The following ARHGAP15 variants were observed in gnomAD, a reference collection of about 807,000 sequenced individuals.
ARHGAP15 encodes the protein rho GTPase-activating protein 15.
A neutral mutation model predicts 63.7 loss-of-function variants in ARHGAP15; 51 were observed. The ratio of observed to expected loss-of-function variants is 0.80; its 90% confidence interval spans 0.64 to 1.01. ARHGAP15 has a LOEUF of 1.01. ARHGAP15 is among the 50% of genes least tolerant of loss of function. The pLI is 0.00. For missense variants in ARHGAP15, 560 were observed against 564.6 expected, an observed-to-expected ratio of 0.99 and a Z score of 0.08; for synonymous variants, 191 against 193.8, an observed-to-expected ratio of 0.99 and a Z score of 0.12.
intron 13 of ARHGAP15, among the ~76,000 whole-genome samples, chr2:143,720,102 G>A (rs1440676087): frequency 1.3e-5 from 2 of 152,148 alleles, no homozygotes; most frequent in Non-Finnish European, 2.9e-5. Context: ...AAATTGGCCT[G>A]CAGTTAGTTG....
chr2:143,378,692 A>T (rs115258216), intron 6 of ARHGAP15, among the ~76,000 whole-genome samples: 5,241 of 152,158 alleles, frequency 0.034, 145 homozygotes, highest in Middle Eastern at 0.054. Context: ...GATGTGTTTT[A>T]TCTCCTTCCC....
chr2:143,767,965 A>ATTTT, intron 13 of ARHGAP15, 24 bp from the exon 14 acceptor site: 2 of 1,582,952 alleles, frequency 1.3e-6, no homozygotes, highest in Non-Finnish European at 1.7e-6. Flanking sequence ...CAGTGAAATT[A>ATTTT]TTTTTTTTTC....
rs545522050 is a variant in ARHGAP15 at position 143,308,072 on chromosome 2, T to G, written c.474+57472T>G. ...TATGCAAACTTTTAACTGTGAGCAA[T>G]TTTTTGAAAAATCCTTCAGATGGTA... is the stretch of plus-strand genomic sequence containing the variant. On this transcript the variant is annotated intron_variant, in intron 6 of 13. Transcript: ENST00000295095. Among the ~76,000 whole-genome samples the G allele has an allele frequency of 8.5e-5, 13 of 152,264 alleles. 1 individual carries two copies. The highest frequency in any genetic ancestry group is 3.4e-3 in the Middle Eastern group (1 of 294).
chr2:143,605,832 G>A (rs1574697713), intron 11 of ARHGAP15, among the ~76,000 whole-genome samples: 2 of 130,344 alleles, frequency 1.5e-5, no homozygotes, highest in African/African-American at 2.8e-5. Flanking sequence ...TGGCCAACAC[G>A]GTGAAACCCT....
intron 1 of ARHGAP15, among the ~76,000 whole-genome samples, chr2:143,130,566 C>T (rs1179109633): frequency 6.6e-6 from 1 of 151,962 alleles, no homozygotes; most frequent in African/African-American, 2.4e-5. Flanking sequence ...TTATTGTCTT[C>T]TATTGAAAGA....
In ARHGAP15 at chr2:143,711,442, C is replaced by CT. The variant is rs780809414; in HGVS notation, c.1244+7919dup. ...GTTGGCTTGGCAGACAACAGACCTA[C>CT]TGTAGGGAGAGAGAATACTCTGTAC... On this transcript the variant is annotated intron_variant, in intron 13 of 13. Coordinates refer to ENST00000295095, the MANE Select transcript of ARHGAP15 (RefSeq NM_018460.4). 7.2e-5 allele frequency among the ~76,000 whole-genome samples: 11 copies of CT among 152,102 alleles called. 1 individual carries two copies. The highest frequency in any genetic ancestry group is 1.2e-4 in the Non-Finnish European group (8 of 68,022).
intron 11 of ARHGAP15, among the ~76,000 whole-genome samples, chr2:143,600,361 A>G (rs1270447253): frequency 6.6e-6 from 1 of 152,162 alleles, no homozygotes; most frequent in East Asian, 1.9e-4. Context: ...TATTTCTTCC[A>G]TGAGTAAAAC....
At chr2:143,767,952 C>T in intron 13 of ARHGAP15, 37 bp from the exon 14 acceptor site, 1 of 1,586,858 alleles carries the variant, frequency 6.3e-7, no homozygotes, top group Non-Finnish European at 8.6e-7. Context: ...TCACTTCAAA[C>T]TCCAGTGAAA....
chr2:143,165,665 A>C (rs1452069739), intron 2 of ARHGAP15, among the ~76,000 whole-genome samples: 1 of 152,094 alleles, frequency 6.6e-6, no homozygotes, highest in Non-Finnish European at 1.5e-5. Context: ...TGAACAAATA[A>C]GCTTAGCTCA....
At chr2:143,673,310 T>G (rs1381382912) in intron 12 of ARHGAP15, among the ~76,000 whole-genome samples, 7 of 152,138 alleles carry the variant, frequency 4.6e-5, no homozygotes, top group Middle Eastern at 6.8e-3. Flanking sequence ...AACACAATCT[T>G]TTTTTTAGAC....
chr2:143,607,307 C>T (rs13389286), intron 11 of ARHGAP15, among the ~76,000 whole-genome samples: 47,088 of 151,934 alleles, frequency 0.31, 8,053 homozygotes, highest in South Asian at 0.42. Flanking sequence ...TATTTCATAA[C>T]ACTTATCTTT....
intron 13 of ARHGAP15, among the ~76,000 whole-genome samples, chr2:143,707,830 A>G (rs1574868256): frequency 6.6e-6 from 1 of 152,248 alleles, no homozygotes; most frequent in South Asian, 2.1e-4. Context: ...GCTGTGTTAA[A>G]TGTTAAATAA....
At chr2:143,511,145 C>T (rs1242825594) in intron 9 of ARHGAP15, among the ~76,000 whole-genome samples, 1 of 152,142 alleles carries the variant, frequency 6.6e-6, no homozygotes, top group Non-Finnish European at 1.5e-5. Flanking sequence ...CTAACAAAAT[C>T]GGTCAAAAAG....
intron 12 of ARHGAP15, among the ~76,000 whole-genome samples, chr2:143,639,688 GTTAT>G (rs1217087402): frequency 6.6e-6 from 1 of 152,038 alleles, no homozygotes; most frequent in African/African-American, 2.4e-5. Context: ...CATCATATGT[GTTAT>G]TTAATTAAAA....
intron 6 of ARHGAP15, among the ~76,000 whole-genome samples, chr2:143,374,760 C>T (rs1558928961): frequency 6.6e-6 from 1 of 152,180 alleles, no homozygotes; most frequent in Non-Finnish European, 1.5e-5. Flanking sequence ...GCCTTGGCTT[C>T]CCAAAGTTCT....
chr2:143,701,902 G>C (rs1404098123), intron 12 of ARHGAP15, among the ~76,000 whole-genome samples: 1 of 152,132 alleles, frequency 6.6e-6, no homozygotes, highest in East Asian at 1.9e-4. Context: ...AGGAGGAAAG[G>C]TACACAGGCT....
rs561971492 is a variant in ARHGAP15, at chr2:143,497,655, G to A, written c.826+10160G>A. On this transcript the variant is annotated intron_variant, in intron 9 of 13. Transcript: ENST00000295095. ...GCTGGATGCTGCTTTCGCCTCTGTCGTTGGTATAATTCTACTGCTCACACT... is the reference window on the plus strand; with the variant it reads ...GCTGGATGCTGCTTTCGCCTCTGTCATTGGTATAATTCTACTGCTCACACT... Among the ~76,000 whole-genome samples the A allele has an allele frequency of 1.2e-4, 18 of 152,242 alleles. No homozygotes were observed. In the East Asian group the frequency reaches 3.1e-3, roughly 26 times the overall value.
chr2:143,401,796 G>A (rs557720574), intron 6 of ARHGAP15, among the ~76,000 whole-genome samples: 10 of 151,886 alleles, frequency 6.6e-5, no homozygotes, highest in African/African-American at 2.2e-4. Context: ...TTTTCCTATC[G>A]GTGGTGTGTG....
chr2:143,226,101 C>G lies in ARHGAP15; in HGVS notation c.297-2480C>G, dbSNP rs147245527. On this transcript the variant is annotated intron_variant, in intron 4 of 13. Transcript: ENST00000295095. ...AGTCATGTTGCTAAGGTTTTGAGAC[C>G]TGCAGTTCTTACCCTCTTCAGTTTT... Among the ~76,000 whole-genome samples, 1,063 of 152,334 alleles carry G rather than the reference C, an allele frequency of 7.0e-3. 7 individuals carry two copies. The highest frequency in any genetic ancestry group is 0.041 in the Middle Eastern group (12 of 294).
Sources: gnomAD v4.1 joint callset for allele counts (sites outside exome capture counted in the v4.1 genomes callset) on GRCh38, gnomAD v4.1.1 for gene constraint, MANE v1.5 for transcripts, NCBI Gene and HGNC (gene_info 2026-07-23, HGNC 2026-07-21) for gene names.